TAS2R1: variants seen among roughly 807,000 people sequenced by gnomAD.
TAS2R1 encodes taste 2 receptor member 1.
For synonymous variants in TAS2R1, 141 were observed against 134.2 expected (o/e 1.05, Z -0.35); for missense variants, 370 against 353.4 (o/e 1.05, Z -0.38).
the TAS2R1 span, among the ~76,000 whole-genome samples, chr5:9,830,132 C>T: frequency 1.3e-5 from 2 of 151,974 alleles, no homozygotes; most frequent in Non-Finnish European, 2.9e-5. Flanking sequence ...GGGTACTAGG[C>T]CTGCTCCAAG....
At chr5:9,836,901 T>G in the TAS2R1 span, among the ~76,000 whole-genome samples, 1 of 152,208 alleles carries the variant, frequency 6.6e-6, no homozygotes, top group East Asian at 1.9e-4. Flanking sequence ...GATGTTCGAC[T>G]AAGGAGCAGG....
chr5:9,791,200 A>G, the TAS2R1 span, among the ~76,000 whole-genome samples: 20 of 152,290 alleles, frequency 1.3e-4, no homozygotes, highest in East Asian at 3.9e-3. Flanking sequence ...ACACACACAC[A>G]CATACACACA....
At chr5:9,829,841 G>GA in the TAS2R1 span, among the ~76,000 whole-genome samples, 1 of 151,612 alleles carries the variant, frequency 6.6e-6, no homozygotes, top group African/African-American at 2.4e-5. Context: ...TACCCCAAGC[G>GA]AAAAAAAGCT....
the TAS2R1 span, among the ~76,000 whole-genome samples, chr5:9,729,764 AAAC>A: frequency 6.6e-6 from 1 of 152,224 alleles, no homozygotes; most frequent in South Asian, 2.1e-4. Flanking sequence ...TAATTGACAG[AAAC>A]AACAAGTGTA....
chr5:9,810,967 C>T, the TAS2R1 span, among the ~76,000 whole-genome samples: 1 of 152,146 alleles, frequency 6.6e-6, no homozygotes, highest in Non-Finnish European at 1.5e-5. Flanking sequence ...CAAGACTATG[C>T]CTGGTTCCTA....
chr5:9,765,249 T>C, the TAS2R1 span, among the ~76,000 whole-genome samples: 1 of 152,146 alleles, frequency 6.6e-6, no homozygotes, highest in African/African-American at 2.4e-5. Flanking sequence ...CAAGTACTCA[T>C]TGTGAGGCTT....
At chr5:9,738,741 C>CTAAAG in the TAS2R1 span, among the ~76,000 whole-genome samples, 1 of 151,994 alleles carries the variant, frequency 6.6e-6, no homozygotes, top group East Asian at 1.9e-4. Context: ...ATGTCTTGAC[C>CTAAAG]TAAAGTAATG....
At chr5:9,701,139 T>C (rs1741470928) in intron 1 of TAS2R1, among the ~76,000 whole-genome samples, 1 of 152,022 alleles carries the variant, frequency 6.6e-6, no homozygotes, top group East Asian at 1.9e-4. Flanking sequence ...TATATTTCCT[T>C]ATGTGTGTGT....
intron 1 of TAS2R1, among the ~76,000 whole-genome samples, chr5:9,682,845 C>A (rs572173950): frequency 6.6e-6 from 1 of 152,182 alleles, no homozygotes. Flanking sequence ...GTTACAATCA[C>A]AGTGTTTTAT....
At chr5:9,785,363 C>T in the TAS2R1 span, among the ~76,000 whole-genome samples, 1 of 152,178 alleles carries the variant, frequency 6.6e-6, no homozygotes, top group Admixed American at 6.5e-5. Context: ...CACACAATAA[C>T]ATCTGGGGGA....
chr5:9,868,594 G>T, the TAS2R1 span, among the ~76,000 whole-genome samples: 195 of 152,318 alleles, frequency 1.3e-3, 4 homozygotes, highest in Non-Finnish European at 3.4e-4. Context: ...GGACTTCCAT[G>T]AAGGTCTCTG....
chr5:9,897,881 T>C, the TAS2R1 span, among the ~76,000 whole-genome samples: 2,527 of 152,326 alleles, frequency 0.017, 79 homozygotes, highest in African/African-American at 0.054. Flanking sequence ...TTTTCTGTTT[T>C]AGATTGATAT....
the TAS2R1 span, among the ~76,000 whole-genome samples, chr5:9,843,088 G>C: frequency 7.2e-5 from 11 of 152,104 alleles, no homozygotes; most frequent in African/African-American, 2.7e-4. Flanking sequence ...TTTTATGCAG[G>C]ACTCTTTTCC....
chr5:9,800,911 G>T, the TAS2R1 span, among the ~76,000 whole-genome samples: 2 of 152,210 alleles, frequency 1.3e-5, no homozygotes, highest in African/African-American at 4.8e-5. Flanking sequence ...AAAAGAAGAG[G>T]CTGGGCATGG....
At chr5:9,784,766 G>T in the TAS2R1 span, among the ~76,000 whole-genome samples, 8 of 152,090 alleles carry the variant, frequency 5.3e-5, no homozygotes, top group African/African-American at 1.9e-4. Context: ...GGTTTCCCTG[G>T]CTGGTGGCAG....
chr5:9,666,350 G>A (rs1174350958), intron 1 of TAS2R1, among the ~76,000 whole-genome samples: 1 of 152,128 alleles, frequency 6.6e-6, no homozygotes, highest in African/African-American at 2.4e-5. Context: ...GTGTGATAGG[G>A]AGGGCTCTAT....
the TAS2R1 span, among the ~76,000 whole-genome samples, chr5:9,899,105 A>G: frequency 5.3e-5 from 8 of 152,298 alleles, no homozygotes; most frequent in African/African-American, 1.9e-4. Flanking sequence ...CCACACATAT[A>G]AATATTTTAC....
the TAS2R1 span, among the ~76,000 whole-genome samples, chr5:9,737,560 G>A: frequency 3.9e-5 from 6 of 152,154 alleles, no homozygotes; most frequent in Admixed American, 6.5e-5. Context: ...CCTCCAGGGC[G>A]ATGACAAGGG....
chr5:9,879,121 T>G, the TAS2R1 span, among the ~76,000 whole-genome samples: 1 of 152,234 alleles, frequency 6.6e-6, no homozygotes, highest in East Asian at 1.9e-4. Context: ...GCATGACAAT[T>G]AAAGAGGCAC....
Sources: allele counts gnomAD v4.1 joint callset (sites outside exome capture counted in the v4.1 genomes callset), GRCh38; gene constraint gnomAD v4.1.1; transcripts MANE v1.5; gene names NCBI Gene and HGNC (gene_info 2026-07-23, HGNC 2026-07-21).